Variants in NLRC5 observed in about 807,000 individuals in gnomAD.
NLRC5 encodes the protein NLR family CARD domain containing 5, also known as protein NLRC5.
Under a neutral mutation model 206.9 loss-of-function variants are expected in NLRC5, and 114 were observed. The ratio of observed to expected loss-of-function variants is 0.55; its 90% confidence interval spans 0.47 to 0.64. NLRC5 has a LOEUF of 0.64. NLRC5 is among the 30% of genes least tolerant of loss of function. NLRC5 has a pLI of 0.00. For synonymous variants in NLRC5, 952 were observed against 962.8 expected (o/e 0.99, Z 0.21); for missense variants, 2,008 against 2,305.5 (o/e 0.87, Z 2.64).
intron 32 of NLRC5, among the ~76,000 whole-genome samples, chr16:57,064,276 AAT>A (rs1447998538): frequency 3.3e-5 from 5 of 152,160 alleles, no homozygotes; most frequent in African/African-American, 1.2e-4. Context: ...ACATAAAGAA[AAT>A]AGTGCTTTAA....
In NLRC5 at chr16:57,039,763, C is replaced by G. The variant is rs769593757; in HGVS notation, c.2802-18C>G. The stretch of plus-strand genomic sequence containing the variant: ...GCCAATAACCTCTCGCTTCCTCACC[C>G]CTCTTTTGTCTTCACAGCCTGCAGC... On this transcript the variant is annotated intron_variant, in intron 15 of 48. Coordinates refer to ENST00000688547, the MANE Select transcript of NLRC5 (RefSeq NM_001384950.1). The G allele has an allele frequency of 3.7e-6, 6 of 1,612,258 alleles. No individual in the cohort carries two copies. In the East Asian group the frequency reaches 1.1e-4, roughly 30 times the overall value.
At chr16:57,073,483 A>AG (rs2068018219) in intron 38 of NLRC5, among the ~76,000 whole-genome samples, 1 of 152,172 alleles carries the variant, frequency 6.6e-6, no homozygotes, top group Non-Finnish European at 1.5e-5. Context: ...TGACACTTCC[A>AG]GTTTGCTTGG....
intron 26 of NLRC5, 120 bp from the exon 27 acceptor site, chr16:57,055,313 T>A: frequency 1.0e-6 from 1 of 993,106 alleles, no homozygotes; most frequent in Non-Finnish European, 1.5e-6. Context: ...TTCCAGAGGG[T>A]CCAAGCTTGA....
In NLRC5 at chr16:57,026,315, C is replaced by G; in HGVS notation, c.1372C>G (p.Leu458Val). 6.2e-7 allele frequency: 1 copy of G among 1,614,056 alleles called. No individual in the cohort carries two copies. Among genetic ancestry groups the G allele is most frequent in the South Asian group, 1.1e-5 (1 of 91,092 alleles). Residue 458 changes from leucine (L) to valine (V), a missense_variant, in exon 6 of 49, where the codon CTG becomes GTG. By Grantham distance (32) the Leu-to-Val change is conservative (BLOSUM62 1). Coordinates refer to ENST00000688547, the MANE Select transcript of NLRC5 (RefSeq NM_001384950.1). ...TGGGCACTTGCCCACCTCGTCCCTA[C>G]TGGACCTGGGGGAGGTGGCCCTGAG... Reference protein sequence around the residue: ...PPGHLPTSSLLDLGEVALRGL... With the variant: ...PPGHLPTSSLVDLGEVALRGL...
intron 24 of NLRC5, chr16:57,052,908 C>G (rs977862749): frequency 6.6e-6 from 1 of 152,360 alleles, no homozygotes; most frequent in African/African-American, 2.4e-5. Context: ...AATCACACAG[C>G]TTCACCCCTG....
At chr16:57,045,309 G>C in intron 20 of NLRC5, 139 bp from the exon 21 acceptor site, 1 of 682,856 alleles carries the variant, frequency 1.5e-6, no homozygotes, top group South Asian at 1.7e-5. Flanking sequence ...ACATGTAATT[G>C]TTGCTTAATC....
chr16:57,006,413 C>T (rs376977316), intron 1 of NLRC5, among the ~76,000 whole-genome samples: 17 of 90,838 alleles, frequency 1.9e-4, no homozygotes, highest in African/African-American at 4.0e-4. Flanking sequence ...TCTTCATCCT[C>T]TTTTTTTTTT....
chr16:57,044,528 G>A (rs979223722), intron 20 of NLRC5, among the ~76,000 whole-genome samples: 1 of 152,078 alleles, frequency 6.6e-6, no homozygotes, highest in African/African-American at 2.4e-5. Context: ...CACAGCAGAT[G>A]GACCAGGCTC....
chr16:57,001,678 C>T (rs753247370), intron 1 of NLRC5, among the ~76,000 whole-genome samples: 5 of 152,094 alleles, frequency 3.3e-5, no homozygotes, highest in Admixed American at 6.5e-5. Context: ...TTGATATAGG[C>T]GTCCAGTGTG....
rs759777146 is a variant in NLRC5 at position 57,026,884 on chromosome 16, C to T, written c.1941C>T (p.Thr647=). The T allele has an allele frequency of 6.2e-7, 1 of 1,614,230 alleles. No individual in the cohort carries two copies. Among genetic ancestry groups the T allele is most frequent in the African/African-American group, 1.3e-5 (1 of 75,058 alleles). The part of the protein sequence containing the change: ...YQLPFHNFPL[T]CTDLATLTNI... ...TGCCCTTCCACAATTTCCCACTGAC[C>T]TGCACCGACCTGGCCACCCTGACCA... Residue 647 remains threonine (T), a synonymous_variant, in exon 6 of 49, where the codon ACC becomes ACT. Transcript: ENST00000688547.
Position 57,043,874 on chromosome 16 carries a change from T to A in NLRC5, c.3203+270T>A, listed in dbSNP as rs573881415. On this transcript the variant is annotated intron_variant, in intron 20 of 48. Transcript: ENST00000688547. ...TCTGCCTCACTCGTTCTTTGGATAG[T>A]CCTTAGAGATTTTTTTTTTTAGGAT... is the stretch of plus-strand genomic sequence containing the variant. 4.6e-4 allele frequency: 236 copies of A among 507,914 alleles called. 1 individual carries two copies. Among genetic ancestry groups the A allele is most frequent in the Middle Eastern group, 2.6e-3 (5 of 1,906 alleles). 31.5% of individuals were successfully genotyped at this position (507,914 alleles called of 1,614,324 possible).
rs1430050300 is a variant in NLRC5, at chr16:57,026,837, G to A, written c.1894G>A (p.Ala632Thr). 6 of 1,614,050 alleles carry A rather than the reference G, an allele frequency of 3.7e-6. No homozygotes were observed. The highest frequency in any genetic ancestry group is 5.1e-6 in the Non-Finnish European group (6 of 1,180,030). Residue 632 changes from alanine (A) to threonine (T), a missense_variant, in exon 6 of 49, where the codon GCA becomes ACA. Physicochemically the swap from Ala to Thr is moderately conservative, Grantham distance 58. Coordinates refer to ENST00000688547, the MANE Select transcript of NLRC5 (RefSeq NM_001384950.1). ...TQEPELASLT[A>T]QSLPYQLPFH... ...GGAGCCTGAGCTGGCCAGTCTCACC[G>A]CACAAAGCCTCCCCTATCAACTGCC...
intron 34 of NLRC5, 151 bp downstream of exon 34, chr16:57,066,765 G>C: frequency 3.0e-6 from 2 of 677,252 alleles, no homozygotes; most frequent in Admixed American, 4.8e-5. Flanking sequence ...CCACTTCTGA[G>C]GCGTTTCAGC....
At chr16:57,002,655 T>G (rs1447586498) in intron 1 of NLRC5, among the ~76,000 whole-genome samples, 8 of 147,278 alleles carry the variant, frequency 5.4e-5, no homozygotes, top group South Asian at 2.2e-4. Flanking sequence ...GTTTTTTTTT[T>G]TTTTTTGAGA....
intron 1 of NLRC5, among the ~76,000 whole-genome samples, chr16:57,011,778 C>T (rs1424477252): frequency 2.6e-5 from 4 of 151,202 alleles, no homozygotes; most frequent in African/African-American, 9.7e-5. Context: ...ACAAACACTT[C>T]CCAGTTTGTT....
intron 39 of NLRC5, 88 bp downstream of exon 39, chr16:57,074,771 C>T (rs2068153830): frequency 2.4e-6 from 3 of 1,267,618 alleles, no homozygotes; most frequent in Admixed American, 1.7e-5. Context: ...ACTGAGGCCA[C>T]CTCCCAGGGG....
intron 37 of NLRC5, 43 bp downstream of exon 37, chr16:57,069,962 G>T: frequency 6.7e-7 from 1 of 1,503,020 alleles, no homozygotes; most frequent in Non-Finnish European, 9.0e-7. Flanking sequence ...TGGCCCAGCT[G>T]AGGGTGAGGG....
chr16:57,039,900 C>T (rs777418486), intron 16 of NLRC5, 51 bp downstream of exon 16: 1 of 1,472,048 alleles, frequency 6.8e-7, no homozygotes, highest in South Asian at 1.1e-5. Flanking sequence ...ACATTCCCCT[C>T]TCTACCCTCC....
At chr16:57,041,695 C>A in intron 18 of NLRC5, 121 bp downstream of exon 18, 1 of 776,424 alleles carries the variant, frequency 1.3e-6, no homozygotes. Flanking sequence ...AAGTCAGAAA[C>A]CCCTTGGAGA....
Sources: gnomAD v4.1 joint callset for allele counts (sites outside exome capture counted in the v4.1 genomes callset) on GRCh38, gnomAD v4.1.1 for gene constraint, MANE v1.5 for transcripts, NCBI Gene and HGNC (gene_info 2026-07-23, HGNC 2026-07-21) for gene names.